Variants in DDX20 observed in about 807,000 individuals in gnomAD.
The protein encoded by DDX20 is probable ATP-dependent RNA helicase DDX20.
In DDX20, 61 loss-of-function variants were observed where a neutral mutation model predicts 76.4. The ratio of observed to expected loss-of-function variants is 0.80; its 90% CI spans 0.65 to 0.99. The LOEUF is 0.99. DDX20 is among the 50% of genes least tolerant of loss of function. The pLI is 0.00. For synonymous variants in DDX20, 357 were observed against 357.4 expected, an observed-to-expected ratio of 1.00 and a Z score of 0.01; for missense variants, 976 against 996.8, an observed-to-expected ratio of 0.98 and a Z score of 0.28.
rs1171849446 is a variant in DDX20 at position 111,765,756 on chromosome 1, G to C, written c.1332G>C (p.Leu444=). 1 of 1,601,652 alleles carries C rather than the reference G, an allele frequency of 6.2e-7. No homozygotes were observed. Among genetic ancestry groups the C allele is most frequent in the Non-Finnish European group, 8.5e-7 (1 of 1,175,874 alleles). The part of the protein sequence containing the change: ...LPLPDPIPSG[L]MEECVDWDVE... The stretch of plus-strand genomic sequence containing the variant: ...ATGTAGATCCCATTCCTTCTGGTCT[G>C]ATGGAAGAATGTGTGGATTGGGATG... Residue 444 remains leucine, a synonymous_variant, in exon 11 of 11, where the codon CTG becomes CTC. Coordinates refer to ENST00000369702, the MANE Select transcript of DDX20 (RefSeq NM_007204.5).
Position 111,767,472 on chromosome 1 carries a change from C to T in DDX20, c.*573C>T, listed in dbSNP as rs954365781. The T allele has an allele frequency of 2.0e-5, 3 of 152,078 alleles. No individual in the cohort carries two copies. Among genetic ancestry groups the T allele is most frequent in the East Asian group, 3.9e-4 (2 of 5,184 alleles). 9.4% of individuals were successfully genotyped at this position (152,078 alleles called of 1,614,324 possible). On this transcript the variant is annotated 3_prime_UTR_variant, in exon 11 of 11. Transcript: ENST00000369702. Reference sequence around the variant, plus strand: ...TAAAAATATTTGTTTTTAGTAAAAACAAATTTAAATATATTTACATGTTTG... The same window carrying T: ...TAAAAATATTTGTTTTTAGTAAAAATAAATTTAAATATATTTACATGTTTG...
At chr1:111,756,296 A>T in intron 1 of DDX20, 71 bp downstream of exon 1, 1 of 1,362,296 alleles carries the variant, frequency 7.3e-7, no homozygotes, top group East Asian at 2.9e-5. Context: ...GGCGGCGGCC[A>T]GGCCCGCGCC....
Position 111,765,945 on chromosome 1 carries a change from A to G in DDX20, c.1521A>G (p.Lys507=). The change falls in exon 11 of 11, where the codon AAA becomes AAG. Residue 507 remains lysine, a synonymous_variant. Transcript: ENST00000369702. ...ATTCTGTATCTGGACTATCAGTCAA[A>G]TCAAAAAATAATACCAAACAAAAGC... is the stretch of plus-strand genomic sequence containing the variant. ...RNNSVSGLSV[K]SKNNTKQKLP... 3 of 1,613,468 alleles carry G rather than the reference A, an allele frequency of 1.9e-6. No homozygotes were observed. Among genetic ancestry groups the G allele is most frequent in the Non-Finnish European group, 2.5e-6 (3 of 1,179,894 alleles).
At chr1:111,759,995 AG>A (rs563439000) in intron 3 of DDX20, among the ~76,000 whole-genome samples, 4,785 of 140,890 alleles carry the variant, frequency 0.034, 290 homozygotes, top group African/African-American at 0.12. Flanking sequence ...AAAAAAAAAA[AG>A]AAATGAAGAG....
rs573572809 is a variant in DDX20, at chr1:111,766,389, C to T, written c.1965C>T (p.Asp655=). ...GCCAATCTGGAGACTCTGAGAGTGA[C>T]AGTGATTCTTACAGCTCAAGAACCT... ...SSSQSGDSES[D]SDSYSSRTSS... is the part of the protein sequence containing the mutation. The change falls in exon 11 of 11, where the codon GAC becomes GAT. Residue 655 remains aspartate, a synonymous_variant. Coordinates refer to ENST00000369702, the MANE Select transcript of DDX20 (RefSeq NM_007204.5). The T allele has an allele frequency of 2.2e-5, 35 of 1,614,156 alleles. No individual in the cohort carries two copies. The South Asian group carries it at 3.5e-4, about 16-fold the overall frequency.
rs374263754 is a variant in DDX20, at chr1:111,762,943, A to G, written c.1248A>G (p.Gly416=). 8.1e-6 allele frequency: 13 copies of G among 1,613,954 alleles called. No individual in the cohort carries two copies. In the African/African-American group the frequency reaches 1.7e-4, roughly 22 times the overall value. ...LGLTVTYCCR[G]EEENMMMRIA... ...TGACAGTGACCTACTGTTGCCGGGG[A>G]GAGGAAGAAAATATGATGATGAGAA... is the stretch of plus-strand genomic sequence containing the variant. The change falls in exon 10 of 11, where the codon GGA becomes GGG. Residue 416 remains glycine, a synonymous_variant. Coordinates refer to ENST00000369702, the MANE Select transcript of DDX20 (RefSeq NM_007204.5).
Position 111,756,077 on chromosome 1 carries a change from C to T in DDX20, c.153C>T (p.Thr51=). The T allele has an allele frequency of 6.2e-7, 1 of 1,606,346 alleles. No individual in the cohort carries two copies. Among genetic ancestry groups the T allele is most frequent in the Non-Finnish European group, 8.5e-7 (1 of 1,179,310 alleles). Residue 51 remains threonine, a synonymous_variant, in exon 1 of 11, where the codon ACC becomes ACT. Transcript: ENST00000369702. ...RTAQDLSSPR[T]RTGDVLLAEP... is the part of the protein sequence containing the mutation. ...CTCAGGATCTCAGCAGCCCGCGGAC[C>T]CGCACGGGGGATGTGCTGTTGGCGG...
rs748866428 is a variant in DDX20 at position 111,756,206 on chromosome 1, G to T, written c.282G>T (p.Pro94=). 22 of 1,464,062 alleles carry T rather than the reference G, an allele frequency of 1.5e-5. No individual in the cohort carries two copies. The African/African-American group carries it at 2.3e-4, about 15-fold the overall frequency. 90.7% of individuals were successfully genotyped at this position (1,464,062 alleles called of 1,614,324 possible). A position where few individuals can be genotyped will look rare whatever the true frequency, so the allele number is the denominator to read the frequency against. The change falls in exon 1 of 11, where the codon CCG becomes CCT. Residue 94 remains proline, a synonymous_variant. Transcript: ENST00000369702. The part of the protein sequence containing the change: ...RPSPVQLKAI[P]LGRCGLDLIV... ...CGCCGGTGCAGCTCAAGGCCATCCC[G>T]TTGGGGCGCTGCGGGCTCGGTGAGA...
intron 10 of DDX20, 107 bp from the exon 11 acceptor site, chr1:111,765,630 T>G (rs1483221610): frequency 1.1e-6 from 1 of 943,918 alleles, no homozygotes; most frequent in African/African-American, 1.7e-5. Context: ...ATTTGCATAT[T>G]GTTTCTTAAA....
chr1:111,758,331 T>C (rs1445473453), intron 2 of DDX20, among the ~76,000 whole-genome samples: 1 of 150,868 alleles, frequency 6.6e-6, no homozygotes, highest in African/African-American at 2.5e-5. Context: ...CTATTAACAG[T>C]TTTGGCATGT....
chr1:111,762,684 G>T lies in DDX20; in HGVS notation c.1112G>T (p.Arg371Leu). 1 of 1,612,824 alleles carries T rather than the reference G, an allele frequency of 6.2e-7. No homozygotes were observed. Residue 371 changes from arginine to leucine, a missense_variant, in exon 9 of 11, where the codon CGT becomes CTT. Arg to Leu is a moderately radical substitution (Grantham distance 102). This residue lies in a region of DDX20 where 630 missense variants were observed against 693.7 expected (regional missense o/e 0.91). Transcript: ENST00000369702. ...RVLISTDLTS[R>L]GIDAEKVNLV... ...TATCTTCTTCAATTCAAGACTTCTC[G>T]TGGGATTGATGCTGAGAAGGTGAAT...
At position 111,759,579 on chromosome 1, in the gene DDX20, A is replaced by T. The variant is rs1439777566; in HGVS notation, c.565+11A>T. 1.2e-6 allele frequency: 2 copies of T among 1,609,210 alleles called. No homozygotes were observed. Among genetic ancestry groups the T allele is most frequent in the African/African-American group, 2.7e-5 (2 of 74,604 alleles). On this transcript the variant is annotated intron_variant, in intron 3 of 10. Coordinates refer to ENST00000369702, the MANE Select transcript of DDX20 (RefSeq NM_007204.5). ...CTGTTGGATCTCCTGGTAAGATAAC[A>T]ATGCCTGTTGGTAACCAGGGCTTTT...
At chr1:111,759,952 T>A (rs1663635990) in intron 3 of DDX20, among the ~76,000 whole-genome samples, 1 of 124,248 alleles carries the variant, frequency 8.0e-6, no homozygotes, top group South Asian at 2.4e-4. Context: ...CCAGCCTGGG[T>A]GACAGAGCGA....
In DDX20 at chr1:111,756,119, GTC is replaced by G; in HGVS notation, c.196_197del (p.Ser66ThrfsTer41). 1 of 1,594,622 alleles carries G rather than the reference GTC, an allele frequency of 6.3e-7. No homozygotes were observed. On this transcript the variant is annotated frameshift_variant, in exon 1 of 11. Transcript: ENST00000369702. LOFTEE classifies it high-confidence loss of function. ...TGTTGGCGGAGCCGGCCGACTTCGA[GTC>G]ACTGCTGCTTTCGCGGCCGGTGCTG... ...VLLAEPADFESLLLSRPVLEG... is the reference protein window; with the variant it reads ...VLLAEPADFEXLLLSRPVLEG...
At chr1:111,762,470 C>A in intron 8 of DDX20, 133 bp downstream of exon 8, 1 of 862,694 alleles carries the variant, frequency 1.2e-6, no homozygotes, top group Non-Finnish European at 1.8e-6. Context: ...CTTTCCAGTG[C>A]TGAGGAAAAT....
In DDX20 at chr1:111,766,923, C is replaced by T. The variant is rs779852967; in HGVS notation, c.*24C>T. 1 of 1,547,330 alleles carries T rather than the reference C, an allele frequency of 6.5e-7. No individual in the cohort carries two copies. The highest frequency in any genetic ancestry group is 1.4e-5 in the African/African-American group (1 of 73,670). ...GATTATAGGATATACCTGAGACCAT[C>T]AGGAACTGTCAACAAATGATACCTT... On this transcript the variant is annotated 3_prime_UTR_variant, in exon 11 of 11. Coordinates refer to ENST00000369702, the MANE Select transcript of DDX20 (RefSeq NM_007204.5).
chr1:111,760,636 C>CT, intron 4 of DDX20, 48 bp downstream of exon 4: 2 of 1,596,982 alleles, frequency 1.3e-6, no homozygotes, highest in Non-Finnish European at 1.7e-6. Flanking sequence ...TCCGAAGTAT[C>CT]TATCTTTAGC....
chr1:111,765,818 C>A lies in DDX20; in HGVS notation c.1394C>A (p.Ala465Glu). 1 of 1,613,964 alleles carries A rather than the reference C, an allele frequency of 6.2e-7. No individual in the cohort carries two copies. The highest frequency in any genetic ancestry group is 8.5e-7 in the Non-Finnish European group (1 of 1,179,944). ...VKAAVHTYGI[A>E]SVPNQPLKKQ... Reference sequence around the variant, plus strand: ...GCTGCTGTGCATACATATGGTATAGCAAGTGTACCTAACCAACCCTTAAAA... The same window carrying A: ...GCTGCTGTGCATACATATGGTATAGAAAGTGTACCTAACCAACCCTTAAAA... Residue 465 changes from alanine (A) to glutamate (E), a missense_variant, in exon 11 of 11, where the codon GCA becomes GAA. Transcript: ENST00000369702.
chr1:111,757,013 A>C (rs2101413598), intron 2 of DDX20, among the ~76,000 whole-genome samples: 1 of 151,578 alleles, frequency 6.6e-6, no homozygotes, highest in African/African-American at 2.4e-5. Flanking sequence ...ATTTGACTTG[A>C]TTCATGGTAA....
Sources: allele counts gnomAD v4.1 joint callset (sites outside exome capture counted in the v4.1 genomes callset), GRCh38; gene constraint gnomAD v4.1.1; regional missense constraint gnomAD v4.1.1; transcripts MANE v1.5; gene names NCBI Gene and HGNC (gene_info 2026-07-23, HGNC 2026-07-21).